The following SEMA3D variants were observed in gnomAD, a reference collection of about 807,000 sequenced individuals.
SEMA3D encodes semaphorin 3D, also known as semaphorin-3D.
SEMA3D carries 84 observed loss-of-function variants against 100.1 expected under a neutral mutation model. That is an observed-to-expected ratio of 0.84 (90% CI 0.70 to 1.01). SEMA3D has a LOEUF of 1.01. SEMA3D is among the 50% of genes least tolerant of loss of function. The pLI, the probability that SEMA3D is intolerant of heterozygous loss-of-function variation, is 0.00. For missense variants in SEMA3D, 875 were observed against 934.1 expected (o/e 0.94, Z 0.82); for synonymous variants, 312 against 320.7 (o/e 0.97, Z 0.29).
the SEMA3D span, among the ~76,000 whole-genome samples, chr7:85,241,287 C>G: frequency 6.6e-6 from 1 of 151,444 alleles, no homozygotes; most frequent in Admixed American, 6.6e-5. Flanking sequence ...GTAGAACTAC[C>G]ATTTGATCCA....
At chr7:85,156,172 G>A (rs1043716509) in intron 1 of SEMA3D, among the ~76,000 whole-genome samples, 4 of 150,096 alleles carry the variant, frequency 2.7e-5, no homozygotes, top group Non-Finnish European at 3.0e-5. Flanking sequence ...GCAAGATCTC[G>A]GCTCACTGCA....
the SEMA3D span, among the ~76,000 whole-genome samples, chr7:85,193,355 G>A: frequency 6.6e-6 from 1 of 152,050 alleles, no homozygotes; most frequent in African/African-American, 2.4e-5. Context: ...TTACATCCTG[G>A]AGCTGTAACT....
chr7:85,071,924 G>A (rs1283698619), intron 6 of SEMA3D, among the ~76,000 whole-genome samples: 1 of 152,188 alleles, frequency 6.6e-6, no homozygotes, highest in Admixed American at 6.5e-5. Context: ...GGGGGCACTT[G>A]TCCTAAAGCT....
At chr7:85,164,944 T>C (rs774933630) in intron 1 of SEMA3D, among the ~76,000 whole-genome samples, 16 of 152,090 alleles carry the variant, frequency 1.1e-4, no homozygotes, top group Non-Finnish European at 1.8e-4. Context: ...ACAAGAAATA[T>C]AGAAGATGTC....
intron 12 of SEMA3D, among the ~76,000 whole-genome samples, chr7:85,030,062 G>A (rs1422867199): frequency 3.3e-5 from 5 of 151,828 alleles, no homozygotes; most frequent in African/African-American, 9.7e-5. Context: ...CAATGCTGGC[G>A]TGAGAAGTCC....
intron 3 of SEMA3D, among the ~76,000 whole-genome samples, chr7:85,098,543 G>T (rs553867704): frequency 6.6e-6 from 1 of 151,406 alleles, no homozygotes; most frequent in East Asian, 2.0e-4. Flanking sequence ...GCGGTTTTAG[G>T]CTTATAGCAA....
At chr7:85,182,765 G>T (rs1315331244) in intron 1 of SEMA3D, among the ~76,000 whole-genome samples, 2 of 152,074 alleles carry the variant, frequency 1.3e-5, no homozygotes, top group Admixed American at 6.6e-5. Context: ...TTGTTATTAT[G>T]ACTTATTCCA....
chr7:85,240,126 T>C, the SEMA3D span, among the ~76,000 whole-genome samples: 16 of 152,150 alleles, frequency 1.1e-4, no homozygotes, highest in African/African-American at 3.4e-4. Flanking sequence ...TCTTATTAAG[T>C]ATGATGTTCA....
chr7:85,054,216 G>A (rs1409333217), intron 9 of SEMA3D, among the ~76,000 whole-genome samples: 2 of 151,800 alleles, frequency 1.3e-5, no homozygotes, highest in East Asian at 3.9e-4. Flanking sequence ...CATTGAACTG[G>A]TGCACAAAAT....
At chr7:85,206,730 C>T in the SEMA3D span, among the ~76,000 whole-genome samples, 1 of 151,944 alleles carries the variant, frequency 6.6e-6, no homozygotes, top group Admixed American at 6.6e-5. Flanking sequence ...TTTTCTCCAC[C>T]AAAATGTGGG....
At chr7:85,102,439 T>C (rs1583924594) in intron 3 of SEMA3D, among the ~76,000 whole-genome samples, 2 of 152,098 alleles carry the variant, frequency 1.3e-5, no homozygotes, top group Middle Eastern at 3.4e-3. Context: ...AATAATTGTT[T>C]GTATGACTGA....
chr7:85,027,967 C>A, intron 12 of SEMA3D: 1 of 579,482 alleles, frequency 1.7e-6, no homozygotes, highest in East Asian at 4.2e-5. Flanking sequence ...TTTACGGATA[C>A]CAAACAATTG....
chr7:85,083,157 T>C (rs983013492), intron 4 of SEMA3D, among the ~76,000 whole-genome samples: 1 of 152,160 alleles, frequency 6.6e-6, no homozygotes, highest in Non-Finnish European at 1.5e-5. Flanking sequence ...AATGGTTACA[T>C]TTCAGGTGTA....
In SEMA3D at chr7:85,163,316, A is replaced by G. The variant is rs148100979; in HGVS notation, c.-172-9577T>C. On this transcript the variant is annotated intron_variant, in intron 1 of 18. Transcript: ENST00000284136. Reference sequence around the variant, plus strand: ...AGGAGAAAGTAATATCACCCACCACACAATAAATCAAGAGAATTCAGTAAG... The same window carrying G: ...AGGAGAAAGTAATATCACCCACCACGCAATAAATCAAGAGAATTCAGTAAG... 2.4e-4 allele frequency among the ~76,000 whole-genome samples: 37 copies of G among 152,238 alleles called. No homozygotes were observed. In the East Asian group the frequency reaches 6.4e-3, roughly 26 times the overall value.
At chr7:85,085,301 G>A (rs886454971) in intron 4 of SEMA3D, among the ~76,000 whole-genome samples, 2 of 151,992 alleles carry the variant, frequency 1.3e-5, no homozygotes, top group Non-Finnish European at 2.9e-5. Context: ...AAAGGATAAA[G>A]GCCATCACAG....
At chr7:85,225,115 T>A in the SEMA3D span, among the ~76,000 whole-genome samples, 59 of 73,670 alleles carry the variant, frequency 8.0e-4, no homozygotes, top group African/African-American at 3.8e-3. Flanking sequence ...TACATACATA[T>A]ATACATATAT....
At chr7:85,108,652 C>T (rs1789001900) in intron 3 of SEMA3D, among the ~76,000 whole-genome samples, 1 of 152,002 alleles carries the variant, frequency 6.6e-6, no homozygotes. Context: ...CTGTTATTCT[C>T]AGCTTGCCTG....
At chr7:85,086,049 A>T (rs1788203067) in intron 4 of SEMA3D, among the ~76,000 whole-genome samples, 1 of 152,208 alleles carries the variant, frequency 6.6e-6, no homozygotes, top group African/African-American at 2.4e-5. Flanking sequence ...AGGATCACAA[A>T]GAAAATTTTA....
intron 2 of SEMA3D, chr7:85,140,998 T>C: frequency 1.6e-6 from 1 of 625,878 alleles, no homozygotes; most frequent in Non-Finnish European, 2.0e-6. Flanking sequence ...TGAGATTATA[T>C]CAATAATCTA....
Sources: gnomAD v4.1 joint callset for allele counts (sites outside exome capture counted in the v4.1 genomes callset) on GRCh38, gnomAD v4.1.1 for gene constraint, MANE v1.5 for transcripts, NCBI Gene and HGNC (gene_info 2026-07-23, HGNC 2026-07-21) for gene names.